Variants in GPC6 observed in about 807,000 individuals in gnomAD.
The protein encoded by GPC6 is glypican-6.
A neutral mutation model predicts 55.2 loss-of-function variants in GPC6; 14 were observed. That is an observed-to-expected ratio of 0.25 (90% confidence interval 0.17 to 0.40). GPC6 has a LOEUF of 0.40. GPC6 is among the 10% of genes least tolerant of loss of function. GPC6 has a pLI of 1.00. For synonymous variants in GPC6, 278 were observed against 259.6 expected (o/e 1.07, Z -0.68); for missense variants, 641 against 708.5 (o/e 0.90, Z 1.08).
intron 2 of GPC6, among the ~76,000 whole-genome samples, chr13:93,706,869 C>T (rs1444628294): frequency 6.6e-6 from 1 of 151,894 alleles, no homozygotes; most frequent in Admixed American, 6.6e-5. Flanking sequence ...AGTGAGAATA[C>T]AATTTGGTAA....
intron 1 of GPC6, among the ~76,000 whole-genome samples, chr13:93,531,383 G>A (rs1387906200): frequency 6.6e-6 from 1 of 152,158 alleles, no homozygotes; most frequent in Non-Finnish European, 1.5e-5. Flanking sequence ...CTGCAGGGCA[G>A]ACTGGCAGAC....
At position 94,379,541 on chromosome 13, in the gene GPC6, C is replaced by G. The variant is rs756177981; in HGVS notation, c.1153-2873C>G. ...ACAACCCCACAGTTTTCTCCCACCCCTCTTGGGACGATGAACACACAGTAT... is the reference window on the plus strand; with the variant it reads ...ACAACCCCACAGTTTTCTCCCACCCGTCTTGGGACGATGAACACACAGTAT... On this transcript the variant is annotated intron_variant, in intron 6 of 8. Coordinates refer to ENST00000377047, the MANE Select transcript of GPC6 (RefSeq NM_005708.5). Among the ~76,000 whole-genome samples the G allele has an allele frequency of 3.3e-5, 5 of 152,316 alleles. No homozygotes were observed. In the South Asian group the frequency reaches 1.0e-3, roughly 32 times the overall value.
At chr13:93,977,897 A>T (rs1377682392) in intron 3 of GPC6, among the ~76,000 whole-genome samples, 2 of 152,196 alleles carry the variant, frequency 1.3e-5, no homozygotes, top group East Asian at 3.8e-4. Context: ...CTCCCTGGGT[A>T]ATTAGTGAAA....
intron 3 of GPC6, among the ~76,000 whole-genome samples, chr13:93,938,584 A>G (rs1299659713): frequency 6.6e-6 from 1 of 152,212 alleles, no homozygotes; most frequent in African/African-American, 2.4e-5. Flanking sequence ...AGACACAAAT[A>G]AAAGAGAGAA....
Position 93,905,994 on chromosome 13 carries a change from T to A in GPC6, c.711+75449T>A, listed in dbSNP as rs373688450. Among the ~76,000 whole-genome samples the A allele has an allele frequency of 7.9e-5, 12 of 152,322 alleles. No homozygotes were observed. The East Asian group carries it at 1.7e-3, about 22-fold the overall frequency. On this transcript the variant is annotated intron_variant, in intron 3 of 8. Coordinates refer to ENST00000377047, the MANE Select transcript of GPC6 (RefSeq NM_005708.5). ...AATAAATACTGACTTTGAGTATCTG[T>A]AACATGTTGCATTAGAAATCTTAGG...
At chr13:93,736,696 T>G (rs2138843283) in intron 2 of GPC6, among the ~76,000 whole-genome samples, 1 of 152,338 alleles carries the variant, frequency 6.6e-6, no homozygotes. Flanking sequence ...ATTTGATGTA[T>G]TTACCAGTTG....
chr13:93,451,630 C>A (rs376332531), intron 1 of GPC6, among the ~76,000 whole-genome samples: 1 of 152,132 alleles, frequency 6.6e-6, no homozygotes, highest in African/African-American at 2.4e-5. Flanking sequence ...GCAGCAGGGA[C>A]CTTATTACAA....
rs188808166 is a variant in GPC6 at position 94,389,470 on chromosome 13, A to G, written c.1289+6920A>G. ...TTAGAACTTTGTCAGGCAGCAGCAA[A>G]AGAAAAAATAAAGCCCTAATGGTGT... On this transcript the variant is annotated intron_variant, in intron 7 of 8. Transcript: ENST00000377047. 1.8e-4 allele frequency among the ~76,000 whole-genome samples: 28 copies of G among 152,312 alleles called. No individual in the cohort carries two copies. The East Asian group carries it at 3.7e-3, about 20-fold the overall frequency.
At chr13:94,172,653 C>G (rs1254641339) in intron 4 of GPC6, among the ~76,000 whole-genome samples, 1 of 152,180 alleles carries the variant, frequency 6.6e-6, no homozygotes, top group Non-Finnish European at 1.5e-5. Context: ...AAATATTGCT[C>G]TCTGGCTCTT....
chr13:93,511,539 C>G (rs1184647084), intron 1 of GPC6, among the ~76,000 whole-genome samples: 1 of 151,766 alleles, frequency 6.6e-6, no homozygotes, highest in African/African-American at 2.4e-5. Context: ...GTCTGTGTAT[C>G]TACTTTTTTC....
At chr13:94,181,666 T>G (rs1015451096) in intron 4 of GPC6, among the ~76,000 whole-genome samples, 61 of 152,324 alleles carry the variant, frequency 4.0e-4, no homozygotes, top group African/African-American at 1.4e-3. Flanking sequence ...ACACAATCTT[T>G]GCACTTTGCC....
intron 2 of GPC6, among the ~76,000 whole-genome samples, chr13:93,657,215 G>A (rs1880713102): frequency 6.6e-6 from 1 of 152,182 alleles, no homozygotes; most frequent in Non-Finnish European, 1.5e-5. Flanking sequence ...CAAGGTGATA[G>A]TAACCAAAAC....
intron 1 of GPC6, among the ~76,000 whole-genome samples, chr13:93,392,460 C>T (rs1875667709): frequency 6.6e-6 from 1 of 152,196 alleles, no homozygotes; most frequent in South Asian, 2.1e-4. Flanking sequence ...AAGGAGGCCC[C>T]TTAATTATCG....
At chr13:93,583,051 AC>A (rs2139492063) in intron 2 of GPC6, among the ~76,000 whole-genome samples, 1 of 152,336 alleles carries the variant, frequency 6.6e-6, no homozygotes, top group Non-Finnish European at 1.5e-5. Context: ...CAGGTGATTT[AC>A]TTTATTGATC....
rs111299230 is a variant in GPC6, at chr13:93,427,662, C to T, written c.161-117601C>T. Among the ~76,000 whole-genome samples, 1,053 of 152,300 alleles carry T rather than the reference C, an allele frequency of 6.9e-3. 6 individuals are homozygous for T. Among genetic ancestry groups the T allele is most frequent in the African/African-American group, 0.024 (1,002 of 41,552 alleles). ...CTATACTATTTCATATCCTCTTCATCTTATTTATGAATGAACCAAGGCTTA... is the reference window on the plus strand; with the variant it reads ...CTATACTATTTCATATCCTCTTCATTTTATTTATGAATGAACCAAGGCTTA... On this transcript the variant is annotated intron_variant, in intron 1 of 8. Transcript: ENST00000377047.
At chr13:93,998,646 G>A (rs1881660749) in intron 3 of GPC6, among the ~76,000 whole-genome samples, 1 of 151,974 alleles carries the variant, frequency 6.6e-6, no homozygotes, top group Non-Finnish European at 1.5e-5. Context: ...AGTTACTATT[G>A]TATAACTCTA....
At chr13:94,000,893 G>A (rs1881766996) in intron 3 of GPC6, among the ~76,000 whole-genome samples, 1 of 152,118 alleles carries the variant, frequency 6.6e-6, no homozygotes, top group South Asian at 2.1e-4. Flanking sequence ...TCAGCAGAAG[G>A]GGACTTACTA....
At position 93,458,478 on chromosome 13, in the gene GPC6, A is replaced by G. The variant is rs1453300912; in HGVS notation, c.161-86785A>G. ...CCCTTTCACGCCCAATATATTGCCTATCTCTGTTTCTCACGGATACTCCAG... is the reference window on the plus strand; with the variant it reads ...CCCTTTCACGCCCAATATATTGCCTGTCTCTGTTTCTCACGGATACTCCAG... On this transcript the variant is annotated intron_variant, in intron 1 of 8. Coordinates refer to ENST00000377047, the MANE Select transcript of GPC6 (RefSeq NM_005708.5). Among the ~76,000 whole-genome samples, 8 of 152,088 alleles carry G rather than the reference A, an allele frequency of 5.3e-5. 1 individual carries two copies. In the South Asian group the frequency reaches 1.0e-3, roughly 20 times the overall value.
chr13:93,951,491 TAAAC>T lies in GPC6; in HGVS notation c.712-76230_712-76227del, dbSNP rs1879251529. 2.0e-5 allele frequency among the ~76,000 whole-genome samples: 3 copies of T among 152,310 alleles called. No homozygotes were observed. The South Asian group carries it at 6.2e-4, about 32-fold the overall frequency. On this transcript the variant is annotated intron_variant, in intron 3 of 8. Coordinates refer to ENST00000377047, the MANE Select transcript of GPC6 (RefSeq NM_005708.5). ...ATGAATGAATGAATGAATGAATGCT[TAAAC>T]AAACAAAAAATATCCAGACCTATAC...
Sources: allele counts gnomAD v4.1 joint callset (sites outside exome capture counted in the v4.1 genomes callset), GRCh38; gene constraint gnomAD v4.1.1; transcripts MANE v1.5; gene names NCBI Gene and HGNC (gene_info 2026-07-23, HGNC 2026-07-21).